The following DMD variants were observed in gnomAD, a reference collection of about 807,000 sequenced individuals.
DMD encodes mutant dystrophin.
Under a neutral mutation model 330.1 loss-of-function variants are expected in DMD, and 63 were observed. The ratio of observed to expected loss-of-function variants is 0.19; its 90% CI spans 0.16 to 0.24. DMD has a LOEUF of 0.24. Ranked by LOEUF, DMD falls within the 10% of genes least tolerant of loss-of-function variation. The pLI is 1.00. For missense variants in DMD, 3,344 were observed against 2,684.1 expected (o/e 1.25, Z -5.43); for synonymous variants, 1,223 against 959.8 (o/e 1.27, Z -5.07).
At chrX:31,174,798 C>CTA (rs1467881940) in intron 71 of DMD, among the ~76,000 whole-genome samples, 1 of 111,705 alleles carries the variant, frequency 9.0e-6, no homozygotes, top group East Asian at 2.8e-4. Flanking sequence ...TCTTAATATA[C>CTA]TACAGTAAGA....
intron 9 of DMD, among the ~76,000 whole-genome samples, chrX:32,656,486 T>C (rs997552671): frequency 8.9e-6 from 1 of 112,239 alleles, no homozygotes; most frequent in Non-Finnish European, 1.9e-5. Flanking sequence ...CCACGAAACC[T>C]ACAGCAATCT....
intron 1 of DMD, among the ~76,000 whole-genome samples, chrX:33,185,496 T>C (rs1035707748): frequency 8.0e-5 from 9 of 111,874 alleles, no homozygotes; most frequent in Middle Eastern, 4.6e-3. Context: ...ATCCTTTCCT[T>C]GATAGTGTAT....
intron 52 of DMD, among the ~76,000 whole-genome samples, chrX:31,714,706 G>A (rs1367001529): frequency 9.0e-6 from 1 of 111,589 alleles, no homozygotes; most frequent in Non-Finnish European, 1.9e-5. Flanking sequence ...TGGCCATATA[G>A]CTTGTTGACG....
chrX:33,246,308 A>G (rs754158164), intron 1 of DMD, among the ~76,000 whole-genome samples: 16 of 111,906 alleles, frequency 1.4e-4, no homozygotes, highest in African/African-American at 5.2e-4. Flanking sequence ...CCATTCTGCC[A>G]TCTAGTCCTC....
intron 7 of DMD, among the ~76,000 whole-genome samples, chrX:32,745,155 A>G (rs2069818614): frequency 8.9e-6 from 1 of 112,347 alleles, no homozygotes; most frequent in African/African-American, 3.2e-5. Context: ...TTGGCAAGAA[A>G]AAAGTAATTG....
At chrX:31,483,194 C>A (rs1284429651) in intron 57 of DMD, among the ~76,000 whole-genome samples, 3 of 108,052 alleles carry the variant, frequency 2.8e-5, no homozygotes, top group Non-Finnish European at 5.7e-5. Flanking sequence ...CTACAGGCGC[C>A]CGCCACCACG....
At chrX:31,846,124 A>G (rs747056398) in intron 48 of DMD, among the ~76,000 whole-genome samples, 1 of 110,769 alleles carries the variant, frequency 9.0e-6, no homozygotes, top group African/African-American at 3.3e-5. Context: ...GAATTATATG[A>G]AAAGGGGTGC....
chrX:31,916,685 A>G (rs1489287114), intron 47 of DMD, among the ~76,000 whole-genome samples: 1 of 111,702 alleles, frequency 9.0e-6, no homozygotes, highest in Non-Finnish European at 1.9e-5. Flanking sequence ...CTGCTCTCCA[A>G]TCTCCTGCCA....
intron 44 of DMD, among the ~76,000 whole-genome samples, chrX:32,058,597 T>C (rs2096199287): frequency 9.6e-6 from 1 of 104,710 alleles, no homozygotes; most frequent in Admixed American, 1.0e-4. Flanking sequence ...CCCAAGATCA[T>C]TACATGTGTT....
intron 6 of DMD, among the ~76,000 whole-genome samples, chrX:32,813,100 T>C (rs1410330704): frequency 1.8e-5 from 2 of 111,949 alleles, no homozygotes; most frequent in Non-Finnish European, 3.8e-5. Flanking sequence ...AGTGTGTGGA[T>C]ATCTTATCTA....
chrX:31,773,724 C>CTTTTTTTT (rs762551529), intron 51 of DMD, among the ~76,000 whole-genome samples: 2 of 53,536 alleles, frequency 3.7e-5, no homozygotes, highest in African/African-American at 7.6e-5. Flanking sequence ...AAGGTTTCTG[C>CTTTTTTTT]TTTTTTTTTT....
chrX:32,215,171 A>G (rs1325920399), intron 44 of DMD, among the ~76,000 whole-genome samples: 2 of 111,909 alleles, frequency 1.8e-5, no homozygotes, highest in African/African-American at 3.2e-5. Context: ...TAGAGATTAT[A>G]TAAAACAAAT....
chrX:33,088,303 C>A (rs1270546391), intron 1 of DMD, among the ~76,000 whole-genome samples: 2 of 111,535 alleles, frequency 1.8e-5, no homozygotes, highest in Non-Finnish European at 3.8e-5. Flanking sequence ...CCTCCGCCTC[C>A]CAAAGTTCTG....
chrX:33,011,452 C>G (rs1029851710), intron 2 of DMD, among the ~76,000 whole-genome samples: 1 of 112,117 alleles, frequency 8.9e-6, no homozygotes. Flanking sequence ...TAGACAACAC[C>G]AGACTAAATG....
At position 32,343,214 on chromosome X, in the gene DMD, C is replaced by T. The variant is rs1360220925; in HGVS notation, c.5659G>A (p.Asp1887Asn). The T allele has an allele frequency of 1.7e-6, 2 of 1,208,863 alleles. No individual in the cohort carries two copies. Among genetic ancestry groups the T allele is most frequent in the Non-Finnish European group, 2.2e-6 (2 of 893,252 alleles). The change falls in exon 40 of 79, where the codon GAT (aspartate) becomes AAT (asparagine). Residue 1887 changes from aspartate to asparagine, a missense_variant. Transcript: ENST00000357033. ...HQWYQYKRQA[D>N]DLLKCLDDIE... ...TCATCCAAGCATTTCAGGAGATCAT[C>T]AGCCTGCCTCTTGTACTGATACCAC...
intron 44 of DMD, among the ~76,000 whole-genome samples, chrX:32,018,309 A>G (rs1249357313): frequency 9.0e-6 from 1 of 111,243 alleles, no homozygotes; most frequent in Non-Finnish European, 1.9e-5. Flanking sequence ...AACTCATCCC[A>G]CTGTAAATTT....
intron 62 of DMD, among the ~76,000 whole-genome samples, chrX:31,311,612 A>C (rs774340142): frequency 9.0e-6 from 1 of 111,291 alleles, no homozygotes; most frequent in Non-Finnish European, 1.9e-5. Flanking sequence ...TTTTGCTTAG[A>C]ATTGTCTTGG....
intron 7 of DMD, among the ~76,000 whole-genome samples, chrX:32,786,633 G>T (rs7060138): frequency 9.0e-6 from 1 of 111,712 alleles, no homozygotes; most frequent in Non-Finnish European, 1.9e-5. Context: ...ATCAACTGAT[G>T]GATGTGCATC....
chrX:32,049,838 G>T (rs918858362), intron 44 of DMD, among the ~76,000 whole-genome samples: 1 of 111,388 alleles, frequency 9.0e-6, no homozygotes, highest in African/African-American at 3.3e-5. Flanking sequence ...CAGGAAGGAA[G>T]ATTTTTTTTC....
Sources: gnomAD v4.1 joint callset for allele counts (sites outside exome capture counted in the v4.1 genomes callset) on GRCh38, gnomAD v4.1.1 for gene constraint, MANE v1.5 for transcripts, NCBI Gene and HGNC (gene_info 2026-07-23, HGNC 2026-07-21) for gene names.